Variants in WDPCP observed in about 807,000 individuals in gnomAD.
WDPCP encodes WD repeat-containing and planar cell polarity effector protein fritz homolog.
In WDPCP, 71 loss-of-function variants were observed where a neutral mutation model predicts 93.1. The observed-to-expected ratio is 0.76, with a 90% CI of 0.63 to 0.93. WDPCP has a LOEUF of 0.93. Among genes scored for constraint, WDPCP ranks in the 40% least tolerant of loss-of-function variants. The pLI is 0.00. For missense variants in WDPCP, 844 were observed against 887.4 expected (o/e 0.95, Z 0.62); for synonymous variants, 315 against 315.0 (o/e 1.00, Z 0.00).
At chr2:63,149,947 G>A (rs1671779098) in intron 17 of WDPCP, among the ~76,000 whole-genome samples, 1 of 152,096 alleles carries the variant, frequency 6.6e-6, no homozygotes, top group Non-Finnish European at 1.5e-5. Context: ...GTTACAGTGA[G>A]CTGTATTCAT....
At chr2:63,272,146 C>T (rs775999952) in intron 13 of WDPCP, among the ~76,000 whole-genome samples, 1 of 152,166 alleles carries the variant, frequency 6.6e-6, no homozygotes, top group Non-Finnish European at 1.5e-5. Context: ...TGAAGACCAG[C>T]CCTCCTGACA....
chr2:63,822,987 CTT>C (rs1029501938), intron 1 of WDPCP, among the ~76,000 whole-genome samples: 7 of 151,294 alleles, frequency 4.6e-5, no homozygotes, highest in Non-Finnish European at 1.0e-4. Context: ...TTAATTAAAT[CTT>C]TGAAAAAATG....
At chr2:63,630,799 C>A (rs1313250118) in intron 3 of WDPCP, among the ~76,000 whole-genome samples, 4 of 152,152 alleles carry the variant, frequency 2.6e-5, no homozygotes, top group Non-Finnish European at 4.4e-5. Context: ...AGTATGCATT[C>A]TTTTCAAGTT....
intron 14 of WDPCP, among the ~76,000 whole-genome samples, chr2:63,248,680 C>G (rs1333055267): frequency 1.3e-5 from 2 of 152,058 alleles, no homozygotes; most frequent in African/African-American, 4.8e-5. Flanking sequence ...TGATGATGTC[C>G]CATAAATCTC....
At chr2:63,811,614 A>C (rs1411177106) in intron 2 of WDPCP, among the ~76,000 whole-genome samples, 1 of 149,612 alleles carries the variant, frequency 6.7e-6, no homozygotes, top group African/African-American at 2.5e-5. Context: ...TTTTTTTTCA[A>C]ATTTTATTTT....
In WDPCP at chr2:63,276,009, C is replaced by T. The variant is rs146119712; in HGVS notation, c.1813-16600G>A. Among the ~76,000 whole-genome samples, 199 of 152,248 alleles carry T rather than the reference C, an allele frequency of 1.3e-3. 6 individuals are homozygous for T. In the East Asian group the frequency reaches 0.03, roughly 23 times the overall value. On this transcript the variant is annotated intron_variant, in intron 13 of 17. Transcript: ENST00000272321. ...CTCCCTGAGACACTGAAAAACTGTG[C>T]GGGTATCCATGGCTGAAAGATCTGA... is the stretch of plus-strand genomic sequence containing the variant.
chr2:63,529,626 A>T (rs1303269790), intron 1 of WDPCP, among the ~76,000 whole-genome samples: 1 of 152,136 alleles, frequency 6.6e-6, no homozygotes, highest in East Asian at 1.9e-4. Context: ...CCAGTGTTTT[A>T]TTGAGGATTT....
chr2:63,804,410 C>T (rs1460831730), intron 2 of WDPCP, among the ~76,000 whole-genome samples: 1 of 151,890 alleles, frequency 6.6e-6, no homozygotes, highest in Non-Finnish European at 1.5e-5. Flanking sequence ...TGCCACCACA[C>T]CCGGCTAATT....
At chr2:63,490,514 A>C (rs190777141) in intron 2 of WDPCP, among the ~76,000 whole-genome samples, 2 of 152,346 alleles carry the variant, frequency 1.3e-5, no homozygotes, top group East Asian at 3.9e-4. Flanking sequence ...AGATAGCAGG[A>C]AAGGCTTCTC....
intron 9 of WDPCP, among the ~76,000 whole-genome samples, chr2:63,405,471 A>C (rs1346437094): frequency 6.6e-6 from 1 of 152,022 alleles, no homozygotes; most frequent in Non-Finnish European, 1.5e-5. Flanking sequence ...CTATGTAAAC[A>C]GAGGACTGAC....
chr2:63,371,055 C>A (rs1691336073), intron 12 of WDPCP, among the ~76,000 whole-genome samples: 1 of 152,008 alleles, frequency 6.6e-6, no homozygotes, highest in African/African-American at 2.4e-5. Flanking sequence ...TGTCTCAGAA[C>A]TCACTTCTGA....
intron 2 of WDPCP, among the ~76,000 whole-genome samples, chr2:63,791,084 T>G (rs13427962): frequency 1.5e-3 from 222 of 152,316 alleles, no homozygotes; most frequent in African/African-American, 4.9e-3. Flanking sequence ...GCACATTTTT[T>G]CTCTTGACTC....
At chr2:63,701,118 A>G (rs1669043067) in intron 2 of WDPCP, among the ~76,000 whole-genome samples, 1 of 152,246 alleles carries the variant, frequency 6.6e-6, no homozygotes, top group Non-Finnish European at 1.5e-5. Flanking sequence ...ACAAAGGATT[A>G]ATAACCAGGA....
At chr2:63,606,341 C>G (rs920505669) in intron 3 of WDPCP, among the ~76,000 whole-genome samples, 2 of 152,120 alleles carry the variant, frequency 1.3e-5, no homozygotes, top group Non-Finnish European at 2.9e-5. Context: ...TGACAGTACC[C>G]CTCCACCAGG....
chr2:63,838,401 G>C, the WDPCP span, among the ~76,000 whole-genome samples: 4 of 152,220 alleles, frequency 2.6e-5, no homozygotes, highest in African/African-American at 9.6e-5. Context: ...CTATGGGAAA[G>C]TAGAAAGAAG....
chr2:63,828,655 C>CACTACTACAT (rs1443520912), upstream of WDPCP, among the ~76,000 whole-genome samples: 10 of 152,120 alleles, frequency 6.6e-5, no homozygotes, highest in Admixed American at 1.3e-4. Flanking sequence ...TCAGATGGAA[C>CACTACTACAT]ACTACTACAT....
intron 3 of WDPCP, among the ~76,000 whole-genome samples, chr2:63,603,655 CTTT>C (rs11297982): frequency 5.0e-5 from 5 of 99,106 alleles, no homozygotes; most frequent in Non-Finnish European, 9.6e-5. Context: ...CAAGACATTT[CTTT>C]TTTTTTTTTT....
intron 12 of WDPCP, among the ~76,000 whole-genome samples, chr2:63,373,994 G>C (rs1389247081): frequency 6.6e-6 from 1 of 150,530 alleles, no homozygotes; most frequent in African/African-American, 2.4e-5. Flanking sequence ...CCCTGAATTA[G>C]ACATTAGTGT....
chr2:63,700,935 A>G (rs929428067), intron 2 of WDPCP, among the ~76,000 whole-genome samples: 3 of 152,240 alleles, frequency 2.0e-5, no homozygotes, highest in Non-Finnish European at 4.4e-5. Flanking sequence ...AACATTGGGG[A>G]AATACTCCAG....
Sources: gnomAD v4.1 joint callset for allele counts (sites outside exome capture counted in the v4.1 genomes callset) on GRCh38, gnomAD v4.1.1 for gene constraint, MANE v1.5 for transcripts, NCBI Gene and HGNC (gene_info 2026-07-23, HGNC 2026-07-21) for gene names.